Variants in FGF12 observed in about 807,000 individuals in gnomAD.
FGF12 encodes the protein fibroblast growth factor 12.
FGF12 carries 14 observed loss-of-function variants against 23.6 expected under a neutral mutation model. The ratio of observed to expected loss-of-function variants is 0.59; its 90% CI spans 0.39 to 0.93. FGF12 has a LOEUF of 0.93. Among genes scored for constraint, FGF12 ranks in the 40% least tolerant of loss-of-function variants. The pLI, the probability that FGF12 is intolerant of heterozygous loss-of-function variation, is 0.00. For missense variants in FGF12, 175 were observed against 217.8 expected (o/e 0.80, Z 1.24); for synonymous variants, 62 against 77.3 (o/e 0.80, Z 1.04).
chr3:192,576,567 T>C (rs1267944561), intron 2 of FGF12, among the ~76,000 whole-genome samples: 1 of 152,228 alleles, frequency 6.6e-6, no homozygotes, highest in Non-Finnish European at 1.5e-5. Flanking sequence ...CTGCATGCTA[T>C]GGCCTCTCCT....
At chr3:192,599,269 A>AATAATAATAATAATTATT (rs1553837297) in intron 2 of FGF12, among the ~76,000 whole-genome samples, 1 of 148,078 alleles carries the variant, frequency 6.8e-6, no homozygotes, top group Non-Finnish European at 1.5e-5. Flanking sequence ...TAATAATAAT[A>AATAATAATAATAATTATT]ATAATAATAA....
chr3:192,343,381 A>G (rs999718647), intron 3 of FGF12, among the ~76,000 whole-genome samples: 1 of 152,134 alleles, frequency 6.6e-6, no homozygotes, highest in Non-Finnish European at 1.5e-5. Context: ...TATCCTACAA[A>G]ATCTTAAATA....
chr3:192,444,030 C>T (rs956737763), intron 2 of FGF12, among the ~76,000 whole-genome samples: 2 of 152,196 alleles, frequency 1.3e-5, no homozygotes, highest in African/African-American at 4.8e-5. Context: ...TTCCGGAAGT[C>T]CCTATAGTGC....
At chr3:192,200,503 GA>G (rs561085467) in intron 4 of FGF12, among the ~76,000 whole-genome samples, 18 of 152,188 alleles carry the variant, frequency 1.2e-4, no homozygotes, top group Admixed American at 1.1e-3. Context: ...AATACATTAA[GA>G]AAGAAACTTT....
At chr3:192,303,762 A>AT (rs1192823989) in intron 4 of FGF12, among the ~76,000 whole-genome samples, 1 of 152,062 alleles carries the variant, frequency 6.6e-6, no homozygotes, top group Non-Finnish European at 1.5e-5. Flanking sequence ...CTGAGTTTTA[A>AT]TTTTTCCATC....
intron 2 of FGF12, among the ~76,000 whole-genome samples, chr3:192,601,710 C>A (rs1044829224): frequency 6.6e-6 from 1 of 152,116 alleles, no homozygotes; most frequent in East Asian, 1.9e-4. Flanking sequence ...GGTTCCAGAA[C>A]CCCTGTGGAT....
chr3:192,218,262 A>G (rs1718297698), intron 4 of FGF12, among the ~76,000 whole-genome samples: 1 of 152,212 alleles, frequency 6.6e-6, no homozygotes, highest in African/African-American at 2.4e-5. Flanking sequence ...GCATGTGGGA[A>G]ATAAGTAAGG....
intron 2 of FGF12, among the ~76,000 whole-genome samples, chr3:192,392,398 T>C (rs1720329803): frequency 8.3e-6 from 1 of 120,614 alleles, no homozygotes; most frequent in African/African-American, 3.1e-5. Context: ...AGAAACCCCG[T>C]CTCTACTAAA....
chr3:192,571,602 G>C (rs539059125), intron 2 of FGF12, among the ~76,000 whole-genome samples: 1 of 152,138 alleles, frequency 6.6e-6, no homozygotes, highest in African/African-American at 2.4e-5. Flanking sequence ...TAGGGTTCTC[G>C]GGCCTTCTTA....
At chr3:192,234,102 CATTG>C (rs972016184) in intron 4 of FGF12, among the ~76,000 whole-genome samples, 6 of 151,960 alleles carry the variant, frequency 3.9e-5, no homozygotes, top group Non-Finnish European at 5.9e-5. Context: ...TGAAAAATGA[CATTG>C]ATTGATAAGA....
intron 4 of FGF12, among the ~76,000 whole-genome samples, chr3:192,179,859 T>TAG (rs367800925): frequency 5.3e-4 from 81 of 152,244 alleles, no homozygotes; most frequent in Admixed American, 2.2e-3. Context: ...TTGTGATTAT[T>TAG]AGACTAGACA....
At chr3:192,567,735 C>CTTTCTTTCTT (rs999075869) in intron 2 of FGF12, among the ~76,000 whole-genome samples, 3 of 125,952 alleles carry the variant, frequency 2.4e-5, no homozygotes, top group African/African-American at 6.0e-5. Flanking sequence ...CTCCATGTGT[C>CTTTCTTTCTT]TCTTTCTTTC....
At chr3:192,425,084 T>G (rs1721652385) in intron 2 of FGF12, among the ~76,000 whole-genome samples, 1 of 152,108 alleles carries the variant, frequency 6.6e-6, no homozygotes, top group Non-Finnish European at 1.5e-5. Flanking sequence ...CCTGCCAACT[T>G]TTTCTACCAA....
chr3:192,508,991 T>A (rs1344468108), intron 2 of FGF12, among the ~76,000 whole-genome samples: 1 of 152,156 alleles, frequency 6.6e-6, no homozygotes, highest in Non-Finnish European at 1.5e-5. Context: ...CACCTTTTGC[T>A]TATAGGTATA....
At chr3:192,529,132 C>A (rs1253326070) in intron 2 of FGF12, among the ~76,000 whole-genome samples, 3 of 152,178 alleles carry the variant, frequency 2.0e-5, no homozygotes, top group Non-Finnish European at 1.5e-5. Context: ...ATTTTCCCAA[C>A]TTTTACGCTC....
chr3:192,363,331 T>C (rs1718826891), intron 2 of FGF12, among the ~76,000 whole-genome samples: 1 of 152,142 alleles, frequency 6.6e-6, no homozygotes, highest in Non-Finnish European at 1.5e-5. Context: ...GTTTTCTTTG[T>C]GCTCCTCTTT....
intron 4 of FGF12, among the ~76,000 whole-genome samples, chr3:192,320,087 A>G (rs1256892688): frequency 6.6e-6 from 1 of 152,196 alleles, no homozygotes; most frequent in Non-Finnish European, 1.5e-5. Context: ...AGAGCCAATA[A>G]TGTCTTGCCT....
chr3:192,362,897 G>A (rs1718797073), intron 2 of FGF12, among the ~76,000 whole-genome samples: 1 of 152,046 alleles, frequency 6.6e-6, no homozygotes, highest in South Asian at 2.1e-4. Flanking sequence ...AGTAAACAGT[G>A]GGCTAAAAGT....
chr3:192,636,918 G>A (rs933237058), intron 2 of FGF12, among the ~76,000 whole-genome samples: 4 of 152,188 alleles, frequency 2.6e-5, no homozygotes, highest in Non-Finnish European at 5.9e-5. Flanking sequence ...AATGAAGAGA[G>A]TGTTAACTAC....
Sources: allele counts gnomAD v4.1 joint callset (sites outside exome capture counted in the v4.1 genomes callset), GRCh38; gene constraint gnomAD v4.1.1; transcripts MANE v1.5; gene names NCBI Gene and HGNC (gene_info 2026-07-23, HGNC 2026-07-21).